The following SDCCAG8 variants were observed in gnomAD, a reference collection of about 807,000 sequenced individuals.
SDCCAG8 encodes serologically defined colon cancer antigen 8.
In SDCCAG8, 74 loss-of-function variants were observed where a neutral mutation model predicts 101.8. The ratio of observed to expected loss-of-function variants is 0.73; its 90% confidence interval spans 0.60 to 0.88. The LOEUF is 0.88. SDCCAG8 is among the 40% of genes least tolerant of loss of function. The pLI is 0.00. For missense variants in SDCCAG8, 787 were observed against 822.6 expected, an observed-to-expected ratio of 0.96 and a Z score of 0.53; for synonymous variants, 281 against 292.9, an observed-to-expected ratio of 0.96 and a Z score of 0.41.
chr1:243,467,969 A>G (rs575487064), intron 16 of SDCCAG8, among the ~76,000 whole-genome samples: 1 of 152,312 alleles, frequency 6.6e-6, no homozygotes, highest in East Asian at 1.9e-4. Flanking sequence ...TTGTGCTACA[A>G]AACTTCCTTA....
rs7531218 is a variant in SDCCAG8 at position 243,426,696 on chromosome 1, T to C, written c.1985+138T>C. On this transcript the variant is annotated intron_variant, in intron 16 of 17. Coordinates refer to ENST00000366541, the MANE Select transcript of SDCCAG8 (RefSeq NM_006642.5). ...GACATGCTCAAAATCTAATACTTTA[T>C]TTTATGTATTTATGCTTCCTTAATT... 2.4e-3 allele frequency: 2,490 copies of C among 1,051,830 alleles called. 47 individuals are homozygous for C. The African/African-American group carries it at 0.035, about 15-fold the overall frequency. The allele number at this position is 1,051,830 out of a possible 1,614,324, so 65.2% of individuals were successfully genotyped here. A position where few individuals can be genotyped will look rare whatever the true frequency, so the allele number is the denominator to read the frequency against.
At chr1:243,353,949 T>G (rs2076246226) in intron 12 of SDCCAG8, among the ~76,000 whole-genome samples, 2 of 152,238 alleles carry the variant, frequency 1.3e-5, no homozygotes, top group African/African-American at 4.8e-5. Context: ...CATATAGGAT[T>G]GTTTTCCTAG....
intron 13 of SDCCAG8, among the ~76,000 whole-genome samples, chr1:243,412,379 A>G (rs2148004648): frequency 6.6e-6 from 1 of 152,320 alleles, no homozygotes; most frequent in Non-Finnish European, 1.5e-5. Flanking sequence ...TGAGCTAAAA[A>G]GGAAAAAACA....
At chr1:243,425,775 T>C (rs1347037351) in intron 15 of SDCCAG8, among the ~76,000 whole-genome samples, 8 of 152,192 alleles carry the variant, frequency 5.3e-5, no homozygotes, top group Admixed American at 3.9e-4. Context: ...AACAAGATAT[T>C]CCCATTTTGC....
intron 1 of SDCCAG8, among the ~76,000 whole-genome samples, chr1:243,260,415 G>T (rs4146967): frequency 6.6e-6 from 1 of 152,154 alleles, no homozygotes; most frequent in African/African-American, 2.4e-5. Context: ...TAGCACATGC[G>T]CCTTCTCTAA....
At chr1:243,357,310 C>T (rs769642985) in intron 12 of SDCCAG8, among the ~76,000 whole-genome samples, 5 of 151,372 alleles carry the variant, frequency 3.3e-5, no homozygotes, top group Admixed American at 1.3e-4. Context: ...ACCTGGGAGA[C>T]GGAGGTTGCA....
intron 17 of SDCCAG8, among the ~76,000 whole-genome samples, chr1:243,496,650 G>A (rs1288721415): frequency 2.0e-5 from 3 of 152,182 alleles, no homozygotes; most frequent in African/African-American, 7.2e-5. Flanking sequence ...GGGGCGAGGG[G>A]TGCCACCATC....
chr1:243,303,261 A>G (rs145614920), intron 6 of SDCCAG8, among the ~76,000 whole-genome samples: 5 of 152,360 alleles, frequency 3.3e-5, no homozygotes, highest in South Asian at 2.1e-4. Flanking sequence ...TGATTATTCA[A>G]GACTGCTTTT....
At chr1:243,439,645 C>CACACAG (rs1306580122) in intron 16 of SDCCAG8, among the ~76,000 whole-genome samples, 2 of 151,600 alleles carry the variant, frequency 1.3e-5, no homozygotes, top group East Asian at 3.9e-4. Flanking sequence ...CACACACACA[C>CACACAG]ACACACACAC....
At chr1:243,320,526 A>G (rs1012842442) in intron 9 of SDCCAG8, among the ~76,000 whole-genome samples, 3 of 151,990 alleles carry the variant, frequency 2.0e-5, no homozygotes, top group East Asian at 1.9e-4. Context: ...ACACTCAGCT[A>G]TCGTCAAAGG....
rs576839477 is a variant in SDCCAG8 at position 243,358,545 on chromosome 1, C to T, written c.1473+14214C>T. Among the ~76,000 whole-genome samples, 84 of 152,244 alleles carry T rather than the reference C, an allele frequency of 5.5e-4. 1 individual carries two copies. Among genetic ancestry groups the T allele is most frequent in the African/African-American group, 1.7e-3 (72 of 41,544 alleles). On this transcript the variant is annotated intron_variant, in intron 12 of 17. Coordinates refer to ENST00000366541, the MANE Select transcript of SDCCAG8 (RefSeq NM_006642.5). Reference sequence around the variant, plus strand: ...AAAGTCATACAGGCTGAAAAATATTCGGGCAGTTTCTCAAAATGTTCAACA... The same window carrying T: ...AAAGTCATACAGGCTGAAAAATATTTGGGCAGTTTCTCAAAATGTTCAACA...
At chr1:243,411,065 A>C (rs1263102962) in intron 13 of SDCCAG8, among the ~76,000 whole-genome samples, 1 of 152,176 alleles carries the variant, frequency 6.6e-6, no homozygotes, top group Non-Finnish European at 1.5e-5. Flanking sequence ...ATAAAGGTGG[A>C]TGTTCCTATT....
At position 243,409,057 on chromosome 1, in the gene SDCCAG8, A is replaced by G. The variant is rs1032985842; in HGVS notation, c.1617-6645A>G. Among the ~76,000 whole-genome samples, 3 of 152,164 alleles carry G rather than the reference A, an allele frequency of 2.0e-5. 1 individual carries two copies. Among genetic ancestry groups the G allele is most frequent in the African/African-American group, 7.2e-5 (3 of 41,448 alleles). On this transcript the variant is annotated intron_variant, in intron 13 of 17. Transcript: ENST00000366541. ...GTACTCCATTGCCTCTCAAGGTGTC[A>G]TCTTCCCAGAGCACAAAGAGAATAA... is the stretch of plus-strand genomic sequence containing the variant.
At chr1:243,384,216 T>C (rs750079266) in intron 13 of SDCCAG8, among the ~76,000 whole-genome samples, 1 of 152,244 alleles carries the variant, frequency 6.6e-6, no homozygotes, top group Non-Finnish European at 1.5e-5. Flanking sequence ...ATCAGTATTA[T>C]ATTTCTCAGA....
chr1:243,450,013 A>G (rs1467520064), intron 16 of SDCCAG8, among the ~76,000 whole-genome samples: 1 of 152,184 alleles, frequency 6.6e-6, no homozygotes, highest in Non-Finnish European at 1.5e-5. Flanking sequence ...GGGTAGGGGC[A>G]GGGTTAAAAA....
At chr1:243,278,137 T>C (rs2068729626) in intron 4 of SDCCAG8, among the ~76,000 whole-genome samples, 1 of 152,200 alleles carries the variant, frequency 6.6e-6, no homozygotes, top group African/African-American at 2.4e-5. Context: ...AATATCTCTA[T>C]TTACTTAGAT....
chr1:243,267,009 C>G lies in SDCCAG8; in HGVS notation c.68-3096C>G, dbSNP rs571053489. Among the ~76,000 whole-genome samples, 5 of 150,818 alleles carry G rather than the reference C, an allele frequency of 3.3e-5. No homozygotes were observed. In the South Asian group the frequency reaches 1.1e-3, roughly 32 times the overall value. On this transcript the variant is annotated intron_variant, in intron 1 of 17. Transcript: ENST00000366541. Reference sequence around the variant, plus strand: ...CTTGTAACCCCAGCACTTTGGGAGGCCGAGGCAGGCGGATCACAAAGTCAG... The same window carrying G: ...CTTGTAACCCCAGCACTTTGGGAGGGCGAGGCAGGCGGATCACAAAGTCAG...
rs1423473844 is a variant in SDCCAG8, at chr1:243,500,065, AT to A, written c.*284del. 2.3e-6 allele frequency: 1 copy of A among 437,660 alleles called. No homozygotes were observed. Among genetic ancestry groups the A allele is most frequent in the African/African-American group, 1.9e-5 (1 of 51,296 alleles). 27.1% of individuals were successfully genotyped at this position (437,660 alleles called of 1,614,324 possible). On this transcript the variant is annotated 3_prime_UTR_variant, in exon 18 of 18. Transcript: ENST00000366541. ...ATTCGTATGCTAGGTTATACATATG[AT>A]TTTCAATAAATGAACTTTTTAAAGA... is the stretch of plus-strand genomic sequence containing the variant.
chr1:243,324,526 A>T (rs569753243), intron 9 of SDCCAG8, among the ~76,000 whole-genome samples: 1 of 130,864 alleles, frequency 7.6e-6, no homozygotes, highest in East Asian at 2.4e-4. Flanking sequence ...TGGTGCGGTC[A>T]TATCTCACTA....
Sources: allele counts gnomAD v4.1 joint callset (sites outside exome capture counted in the v4.1 genomes callset), GRCh38; gene constraint gnomAD v4.1.1; transcripts MANE v1.5; gene names NCBI Gene and HGNC (gene_info 2026-07-23, HGNC 2026-07-21).